Variants in DEFB131A observed in about 807,000 individuals in gnomAD.
The protein encoded by DEFB131A is defensin beta 131A.
In DEFB131A, 5 loss-of-function variants were observed where a neutral mutation model predicts 2.4. That is an observed-to-expected ratio of 2.12 (90% CI 1.11 to 4.47). The LOEUF is 4.47. DEFB131A is among the 30% of genes most tolerant of loss of function. The pLI is 0.00. For missense variants in DEFB131A, 120 were observed against 79.9 expected (o/e 1.50, Z -1.91); for synonymous variants, 34 against 25.7 (o/e 1.32, Z -0.97).
intron 1 of DEFB131A, among the ~76,000 whole-genome samples, chr4:9,445,921 G>A (rs548410551): frequency 6.6e-6 from 1 of 152,086 alleles, no homozygotes; most frequent in Non-Finnish European, 1.5e-5. Flanking sequence ...TAAGAAATAT[G>A]TGATCCTTCA....
intron 1 of DEFB131A, among the ~76,000 whole-genome samples, chr4:9,444,801 C>T (rs190500701): frequency 4.6e-5 from 7 of 151,638 alleles, no homozygotes; most frequent in African/African-American, 1.7e-4. Context: ...TGAGGCCGGG[C>T]ACAGTGGCTC....
chr4:9,446,383 T>C (rs116034597), intron 1 of DEFB131A, among the ~76,000 whole-genome samples: 6,253 of 151,780 alleles, frequency 0.041, 162 homozygotes, highest in African/African-American at 0.14. Flanking sequence ...ATTTAGCATA[T>C]GGTTGTTTAT....
At chr4:9,447,306 A>T (rs1717528223) in intron 1 of DEFB131A, among the ~76,000 whole-genome samples, 1 of 152,124 alleles carries the variant, frequency 6.6e-6, no homozygotes, top group Non-Finnish European at 1.5e-5. Context: ...GAATTTTTAT[A>T]TCCTCTTGCT....
rs562511247 is a variant in DEFB131A, at chr4:9,450,567, T to C, written c.*53T>C. On this transcript the variant is annotated 3_prime_UTR_variant, in exon 2 of 2. Transcript: ENST00000334879. ...CCGGGACAAAAAACATGTCTTAAAC[T>C]CTCTTATCTATGAATAATTAACATG... The C allele has an allele frequency of 3.2e-6, 5 of 1,568,836 alleles. No homozygotes were observed. The highest frequency in any genetic ancestry group is 1.4e-5 in the African/African-American group (1 of 73,608).
chr4:9,446,868 T>C (rs1717517313), intron 1 of DEFB131A, among the ~76,000 whole-genome samples: 4 of 152,204 alleles, frequency 2.6e-5, no homozygotes. Flanking sequence ...AAGCATGTTG[T>C]TTAATTTCCA....
At chr4:9,446,098 C>A (rs556616100) in intron 1 of DEFB131A, among the ~76,000 whole-genome samples, 7 of 151,972 alleles carry the variant, frequency 4.6e-5, no homozygotes, top group African/African-American at 1.7e-4. Context: ...ATAGTAAATT[C>A]TATCTCAATA....
At chr4:9,444,923 A>C (rs78682795) in intron 1 of DEFB131A, among the ~76,000 whole-genome samples, 1 of 130,970 alleles carries the variant, frequency 7.6e-6, no homozygotes. Flanking sequence ...AAAAAAAAAA[A>C]ATACAAAAAA....
intron 1 of DEFB131A, among the ~76,000 whole-genome samples, chr4:9,447,919 G>T (rs1490868537): frequency 6.6e-5 from 10 of 151,778 alleles, no homozygotes; most frequent in East Asian, 3.9e-4. Flanking sequence ...AAAGAAAAAA[G>T]AATTAAAAAG....
At position 9,450,438 on chromosome 4, in the gene DEFB131A, C is replaced by T. The variant is rs200007452; in HGVS notation, c.137C>T (p.Ala46Val). 5 of 1,609,820 alleles carry T rather than the reference C, an allele frequency of 3.1e-6. No homozygotes were observed. The highest frequency in any genetic ancestry group is 2.2e-5 in the East Asian group (1 of 44,820). ...CTGAAGTGCAATGCTGATGAACATG[C>T]AATTAGATACTGTGCTGACTTCAGC... ...CRLKCNADEH[A>V]IRYCADFSIC... The change falls in exon 2 of 2, where the codon GCA becomes GTA. Residue 46 changes from alanine to valine, a missense_variant. Coordinates refer to ENST00000334879, the MANE Select transcript of DEFB131A (RefSeq NM_001040448.3).
chr4:9,449,879 C>T (rs1181698232), intron 1 of DEFB131A, among the ~76,000 whole-genome samples: 1 of 152,094 alleles, frequency 6.6e-6, no homozygotes, highest in Non-Finnish European at 1.5e-5. Flanking sequence ...AGAGAAGCAA[C>T]CAAAGACAGC....
At chr4:9,450,149 G>C (rs1464473295) in intron 1 of DEFB131A, among the ~76,000 whole-genome samples, 2 of 152,112 alleles carry the variant, frequency 1.3e-5, no homozygotes, top group African/African-American at 2.4e-5. Flanking sequence ...TGCATTTCCA[G>C]CTACTGCCTC....
Position 9,450,472 on chromosome 4 carries a change from C to A in DEFB131A, c.171C>A (p.Cys57Ter). The A allele has an allele frequency of 6.2e-7, 1 of 1,610,698 alleles. No homozygotes were observed. Among genetic ancestry groups the A allele is most frequent in the East Asian group, 2.2e-5 (1 of 44,816 alleles). The stretch of plus-strand genomic sequence containing the variant: ...ACTGTGCTGACTTCAGCATCTGCTG[C>A]AAACTGAAGATCATTGAAATTGACG... ...IRYCADFSIC[C>*]KLKIIEIDGQ... The change falls in exon 2 of 2, where the codon TGC becomes TGA. Residue 57 changes from cysteine to a stop codon, truncating the protein, a stop_gained. Transcript: ENST00000334879. LOFTEE classifies it low-confidence loss of function (END_TRUNC).
chr4:9,447,157 A>G (rs967266706), intron 1 of DEFB131A, among the ~76,000 whole-genome samples: 2 of 152,192 alleles, frequency 1.3e-5, no homozygotes, highest in Admixed American at 1.3e-4. Context: ...TTCTACCTAG[A>G]TGATCTGTTC....
intron 1 of DEFB131A, among the ~76,000 whole-genome samples, chr4:9,447,113 G>T (rs183219585): frequency 7.9e-5 from 12 of 152,188 alleles, no homozygotes; most frequent in Middle Eastern, 3.4e-3. Context: ...TTTGGTCTGC[G>T]GTACAGATTA....
chr4:9,446,901 G>T (rs1717517951), intron 1 of DEFB131A, among the ~76,000 whole-genome samples: 1 of 152,100 alleles, frequency 6.6e-6, no homozygotes, highest in Non-Finnish European at 1.5e-5. Flanking sequence ...CGTTTCCAAA[G>T]TTCTTCCTAG....
rs762021101 is a variant in DEFB131A, at chr4:9,450,559, T to C, written c.*45T>C. The C allele has an allele frequency of 2.5e-6, 4 of 1,574,684 alleles. No individual in the cohort carries two copies. Among genetic ancestry groups the C allele is most frequent in the East Asian group, 2.3e-5 (1 of 43,178 alleles). On this transcript the variant is annotated 3_prime_UTR_variant, in exon 2 of 2. Transcript: ENST00000334879. Reference sequence around the variant, plus strand: ...TTCAGACTCCGGGACAAAAAACATGTCTTAAACTCTCTTATCTATGAATAA... The same window carrying C: ...TTCAGACTCCGGGACAAAAAACATGCCTTAAACTCTCTTATCTATGAATAA...
chr4:9,448,342 C>T (rs1022694865), intron 1 of DEFB131A, among the ~76,000 whole-genome samples: 1 of 152,064 alleles, frequency 6.6e-6, no homozygotes, highest in Non-Finnish European at 1.5e-5. Context: ...TTAAAACTCT[C>T]TACTTAGTAA....
Position 9,444,453 on chromosome 4 carries a change from C to T in DEFB131A, c.-81C>T. 6.6e-7 allele frequency: 1 copy of T among 1,511,690 alleles called. No homozygotes were observed. Among genetic ancestry groups the T allele is most frequent in the Non-Finnish European group, 9.1e-7 (1 of 1,104,698 alleles). The allele number at this position is 1,511,690 out of a possible 1,614,324, so 93.6% of individuals were successfully genotyped here. On this transcript the variant is annotated 5_prime_UTR_variant, in exon 1 of 2. Transcript: ENST00000334879. ...GTTCAATAATCACTCAACAACTCACCTCTTCAGAGAACTGAATGTACACAG... is the reference window on the plus strand; with the variant it reads ...GTTCAATAATCACTCAACAACTCACTTCTTCAGAGAACTGAATGTACACAG...
intron 1 of DEFB131A, 59 bp downstream of exon 1, chr4:9,444,650 G>A: frequency 1.3e-6 from 2 of 1,547,778 alleles, no homozygotes; most frequent in South Asian, 1.2e-5. Flanking sequence ...GAAAATGCAA[G>A]GTCTTTCAAG....
Sources: allele counts gnomAD v4.1 joint callset (sites outside exome capture counted in the v4.1 genomes callset), GRCh38; gene constraint gnomAD v4.1.1; transcripts MANE v1.5; gene names NCBI Gene and HGNC (gene_info 2026-07-23, HGNC 2026-07-21).